GRID1: variants seen among roughly 807,000 people sequenced by gnomAD.
GRID1 encodes the protein glutamate ionotropic receptor delta type subunit 1.
A neutral mutation model predicts 98.0 loss-of-function variants in GRID1; 28 were observed. That is an observed-to-expected ratio of 0.29 (90% CI 0.21 to 0.39). The LOEUF is 0.39. Ranked by LOEUF, GRID1 falls within the 10% of genes least tolerant of loss-of-function variation. The pLI is 1.00. For missense variants in GRID1, 1,111 were observed against 1,340.5 expected (o/e 0.83, Z 2.67); for synonymous variants, 553 against 538.5 (o/e 1.03, Z -0.37).
intron 2 of GRID1, among the ~76,000 whole-genome samples, chr10:86,217,357 T>C (rs1846190149): frequency 6.6e-6 from 1 of 152,214 alleles, no homozygotes. Context: ...ACATGAGAAT[T>C]AAATGAACTA....
rs576480092 is a variant in GRID1, at chr10:85,973,068, C to T, written c.727-56829G>A. Among the ~76,000 whole-genome samples, 49 of 152,316 alleles carry T rather than the reference C, an allele frequency of 3.2e-4. 1 individual carries two copies. The South Asian group carries it at 8.9e-3, about 28-fold the overall frequency. The stretch of plus-strand genomic sequence containing the variant: ...CCAGGCACAGAGCAAGGTGGCACCA[C>T]GTGACTTTTCAGGTGAACTGAACCT... On this transcript the variant is annotated intron_variant, in intron 4 of 15. Transcript: ENST00000327946.
intron 3 of GRID1, among the ~76,000 whole-genome samples, chr10:86,188,094 A>T (rs1845751058): frequency 6.6e-6 from 1 of 152,218 alleles, no homozygotes; most frequent in Non-Finnish European, 1.5e-5. Context: ...AGTGACACAC[A>T]TGGTGAAGTG....
Position 86,328,994 on chromosome 10 carries a change from T to C in GRID1, c.235+34947A>G, listed in dbSNP as rs540034205. Reference sequence around the variant, plus strand: ...TGGGGACACCCAAGGCTATAAGGACTGAGTGTCTTTCAAGCCCAAAAGCCC... The same window carrying C: ...TGGGGACACCCAAGGCTATAAGGACCGAGTGTCTTTCAAGCCCAAAAGCCC... On this transcript the variant is annotated intron_variant, in intron 2 of 15. Coordinates refer to ENST00000327946, the MANE Select transcript of GRID1 (RefSeq NM_017551.3). 3.9e-4 allele frequency among the ~76,000 whole-genome samples: 60 copies of C among 152,214 alleles called. No homozygotes were observed. In the South Asian group the frequency reaches 0.012, roughly 31 times the overall value.
intron 3 of GRID1, among the ~76,000 whole-genome samples, chr10:86,163,780 G>A (rs1845357510): frequency 6.6e-6 from 1 of 152,172 alleles, no homozygotes; most frequent in Non-Finnish European, 1.5e-5. Context: ...GGGATGGTGG[G>A]GGCAGTCCAT....
At chr10:85,712,830 A>G (rs753797538) in intron 12 of GRID1, among the ~76,000 whole-genome samples, 106 of 151,806 alleles carry the variant, frequency 7.0e-4, no homozygotes, top group South Asian at 1.2e-3. Flanking sequence ...AGTAGATCAT[A>G]GAAAAAATCA....
At chr10:85,883,296 C>T (rs964953768) in intron 5 of GRID1, among the ~76,000 whole-genome samples, 2 of 152,030 alleles carry the variant, frequency 1.3e-5, no homozygotes, top group African/African-American at 2.4e-5. Context: ...TTTTTAAATG[C>T]CTTTTATTCC....
intron 4 of GRID1, among the ~76,000 whole-genome samples, chr10:85,953,304 T>C (rs566125521): frequency 1.3e-5 from 2 of 152,166 alleles, no homozygotes; most frequent in South Asian, 2.1e-4. Context: ...TTCTTACTTA[T>C]AAGTGGGAGC....
chr10:85,897,757 G>T (rs536733599), intron 5 of GRID1, among the ~76,000 whole-genome samples: 1 of 152,066 alleles, frequency 6.6e-6, no homozygotes, highest in South Asian at 2.1e-4. Flanking sequence ...ATCTTTCTTA[G>T]CATTCTTCAA....
At chr10:85,713,202 A>G (rs780546737) in intron 12 of GRID1, among the ~76,000 whole-genome samples, 1 of 151,722 alleles carries the variant, frequency 6.6e-6, no homozygotes, top group Non-Finnish European at 1.5e-5. Flanking sequence ...TTTCAAAGAA[A>G]AAAAATTATA....
At chr10:86,355,463 C>G (rs1351044140) in intron 2 of GRID1, among the ~76,000 whole-genome samples, 4 of 152,214 alleles carry the variant, frequency 2.6e-5, no homozygotes, top group Admixed American at 2.6e-4. Flanking sequence ...ATGTCCCACA[C>G]CTGGGTGGAG....
At chr10:85,875,537 C>T (rs981756311) in intron 5 of GRID1, among the ~76,000 whole-genome samples, 7 of 151,916 alleles carry the variant, frequency 4.6e-5, no homozygotes, top group Non-Finnish European at 8.8e-5. Context: ...TTATATTATA[C>T]ATTTTGGAGT....
rs996215666 is a variant in GRID1, at chr10:86,340,229, G to A, written c.235+23712C>T. Among the ~76,000 whole-genome samples, 4 of 152,182 alleles carry A rather than the reference G, an allele frequency of 2.6e-5. No homozygotes were observed. In the East Asian group the frequency reaches 7.7e-4, roughly 29 times the overall value. ...TCAGACGCCCAGCTGAGAGTGCGGG[G>A]ATGAAATGAGGAGAGATGCATAGCA... is the stretch of plus-strand genomic sequence containing the variant. On this transcript the variant is annotated intron_variant, in intron 2 of 15. Coordinates refer to ENST00000327946, the MANE Select transcript of GRID1 (RefSeq NM_017551.3).
chr10:86,335,908 G>A (rs554870780), intron 2 of GRID1, among the ~76,000 whole-genome samples: 3 of 152,356 alleles, frequency 2.0e-5, no homozygotes, highest in Admixed American at 1.3e-4. Context: ...GAAGGGACTG[G>A]GTATGCAGGA....
intron 12 of GRID1, among the ~76,000 whole-genome samples, chr10:85,666,973 T>C (rs1236892478): frequency 6.6e-6 from 1 of 152,180 alleles, no homozygotes; most frequent in Non-Finnish European, 1.5e-5. Flanking sequence ...CAGATCTCCC[T>C]ACTCCTCCAA....
intron 4 of GRID1, among the ~76,000 whole-genome samples, chr10:85,939,728 T>C (rs1841973600): frequency 6.6e-6 from 1 of 152,142 alleles, no homozygotes; most frequent in Admixed American, 6.5e-5. Flanking sequence ...AACCTTAATT[T>C]TCTTTCGTCC....
At chr10:85,694,585 T>G (rs1407839009) in intron 12 of GRID1, among the ~76,000 whole-genome samples, 3 of 64,048 alleles carry the variant, frequency 4.7e-5, no homozygotes, top group African/African-American at 2.3e-4. Context: ...TATATATATA[T>G]ATATATATAT....
At chr10:86,105,618 G>A (rs990117326) in intron 4 of GRID1, among the ~76,000 whole-genome samples, 25 of 152,168 alleles carry the variant, frequency 1.6e-4, no homozygotes, top group African/African-American at 6.0e-4. Context: ...GGGGCACACG[G>A]AGCCTTCATT....
chr10:86,306,055 C>T (rs960575761), intron 2 of GRID1, among the ~76,000 whole-genome samples: 8 of 152,192 alleles, frequency 5.3e-5, no homozygotes, highest in Admixed American at 3.9e-4. Flanking sequence ...CCTGCTGTCT[C>T]TCAGCCATGG....
At chr10:85,926,164 G>C (rs1220928097) in intron 4 of GRID1, among the ~76,000 whole-genome samples, 1 of 152,160 alleles carries the variant, frequency 6.6e-6, no homozygotes, top group African/African-American at 2.4e-5. Flanking sequence ...CTCTGGATTT[G>C]TGACACGGGA....
Sources: allele counts gnomAD v4.1 joint callset (sites outside exome capture counted in the v4.1 genomes callset), GRCh38; gene constraint gnomAD v4.1.1; transcripts MANE v1.5; gene names NCBI Gene and HGNC (gene_info 2026-07-23, HGNC 2026-07-21).